Variants in ADAM12 observed in about 807,000 individuals in gnomAD.
ADAM12 encodes the protein disintegrin and metalloproteinase domain-containing protein 12.
A neutral mutation model predicts 106.4 loss-of-function variants in ADAM12; 70 were observed. The ratio of observed to expected loss-of-function variants is 0.66; its 90% CI spans 0.54 to 0.80. The LOEUF (loss-of-function observed/expected upper bound fraction) is 0.80. Among genes scored for constraint, ADAM12 ranks in the 30% least tolerant of loss-of-function variants. The pLI is 0.00. For synonymous variants in ADAM12, 420 were observed against 433.5 expected (o/e 0.97, Z 0.39); for missense variants, 1,010 against 1,171.9 (o/e 0.86, Z 2.02).
chr10:126,354,611 A>G (rs1281833803), intron 1 of ADAM12, among the ~76,000 whole-genome samples: 1 of 152,216 alleles, frequency 6.6e-6, no homozygotes, highest in East Asian at 1.9e-4. Context: ...TTTCATCATT[A>G]GCTTTTTTTA....
intron 3 of ADAM12, among the ~76,000 whole-genome samples, chr10:126,248,389 C>G (rs929788214): frequency 3.3e-5 from 5 of 152,162 alleles, no homozygotes; most frequent in Non-Finnish European, 5.9e-5. Flanking sequence ...GCTTCTGACT[C>G]TCAACCAGGA....
chr10:126,234,406 A>C (rs1447083626), intron 3 of ADAM12, among the ~76,000 whole-genome samples: 1 of 152,240 alleles, frequency 6.6e-6, no homozygotes, highest in Non-Finnish European at 1.5e-5. Context: ...AGCCAGTTAG[A>C]TTCCTGTTGC....
intron 3 of ADAM12, among the ~76,000 whole-genome samples, chr10:126,238,080 T>A (rs1958453707): frequency 6.6e-6 from 1 of 152,244 alleles, no homozygotes; most frequent in Non-Finnish European, 1.5e-5. Flanking sequence ...TAAAAAAAGA[T>A]CATTAAAATG....
intron 3 of ADAM12, among the ~76,000 whole-genome samples, chr10:126,186,119 G>A (rs1015329127): frequency 6.6e-6 from 1 of 152,242 alleles, no homozygotes; most frequent in African/African-American, 2.4e-5. Context: ...CCGTTAGCAG[G>A]AGCCGGTGGG....
chr10:126,124,404 A>G (rs1194854805), intron 5 of ADAM12, among the ~76,000 whole-genome samples: 3 of 152,070 alleles, frequency 2.0e-5, no homozygotes, highest in African/African-American at 7.2e-5. Context: ...ACAGGGCTTC[A>G]GTAATTTCCA....
At position 126,016,060 on chromosome 10, in the gene ADAM12, ACT is replaced by A. The variant is rs1953655899; in HGVS notation, c.*1217_*1218del. The A allele has an allele frequency of 6.6e-6, 1 of 152,168 alleles. No homozygotes were observed. The highest frequency in any genetic ancestry group is 2.4e-5 in the African/African-American group (1 of 41,506). 9.4% of individuals were successfully genotyped at this position (152,168 alleles called of 1,614,324 possible). A position where few individuals can be genotyped will look rare whatever the true frequency, so the allele number is the denominator to read the frequency against. On this transcript the variant is annotated 3_prime_UTR_variant, in exon 23 of 23. Transcript: ENST00000448723. The stretch of plus-strand genomic sequence containing the variant: ...GCAAGTGTTTAAGAAATAGGTTCAG[ACT>A]CTGTTAAAAGCATCTTTTAAAGATT...
At chr10:126,159,314 A>C (rs1234071552) in intron 3 of ADAM12, among the ~76,000 whole-genome samples, 2 of 82,760 alleles carry the variant, frequency 2.4e-5, no homozygotes, top group Admixed American at 1.5e-4. Context: ...CATCAAAAAA[A>C]AAAAAAAAAA....
intron 2 of ADAM12, among the ~76,000 whole-genome samples, chr10:126,315,387 G>A (rs1430990198): frequency 2.0e-5 from 3 of 152,092 alleles, no homozygotes; most frequent in African/African-American, 4.8e-5. Flanking sequence ...GAACGTCTCC[G>A]TGTTCCTGTC....
intron 11 of ADAM12, among the ~76,000 whole-genome samples, chr10:126,072,912 A>G (rs1203092506): frequency 6.6e-6 from 1 of 152,170 alleles, no homozygotes; most frequent in Admixed American, 6.5e-5. Flanking sequence ...GCAAGCTGCT[A>G]CGCTCCCCTG....
At chr10:126,035,322 A>C (rs956312873) in intron 21 of ADAM12, among the ~76,000 whole-genome samples, 2 of 152,188 alleles carry the variant, frequency 1.3e-5, no homozygotes, top group African/African-American at 4.8e-5. Context: ...TTACCTCTCT[A>C]GAACTTTCTA....
At chr10:126,151,263 G>C (rs898467402) in intron 4 of ADAM12, among the ~76,000 whole-genome samples, 1 of 152,132 alleles carries the variant, frequency 6.6e-6, no homozygotes, top group Non-Finnish European at 1.5e-5. Context: ...TGCTATGTGA[G>C]GCTCTATGGG....
chr10:126,264,105 C>A (rs1286595122), intron 3 of ADAM12, among the ~76,000 whole-genome samples: 1 of 152,074 alleles, frequency 6.6e-6, no homozygotes, highest in Admixed American at 6.5e-5. Context: ...ATGTACAATA[C>A]CATCAAAACT....
At chr10:126,188,200 C>CA (rs1017954566) in intron 3 of ADAM12, among the ~76,000 whole-genome samples, 4 of 152,252 alleles carry the variant, frequency 2.6e-5, no homozygotes, top group African/African-American at 9.6e-5. Context: ...CTCATAAGGG[C>CA]AAAAATATGT....
Position 126,261,000 on chromosome 10 carries a change from A to C in ADAM12, c.260+17915T>G, listed in dbSNP as rs564937578. 3.3e-5 allele frequency among the ~76,000 whole-genome samples: 5 copies of C among 152,356 alleles called. No individual in the cohort carries two copies. In the South Asian group the frequency reaches 1.0e-3, roughly 32 times the overall value. Reference sequence around the variant, plus strand: ...TAATGCAGCAATAAAAATGATACAAATTTAAAAATATACAGGATAACAACT... The same window carrying C: ...TAATGCAGCAATAAAAATGATACAACTTTAAAAATATACAGGATAACAACT... On this transcript the variant is annotated intron_variant, in intron 3 of 22. Transcript: ENST00000448723.
chr10:126,021,207 A>G (rs1175474322), intron 21 of ADAM12, among the ~76,000 whole-genome samples: 3 of 152,098 alleles, frequency 2.0e-5, no homozygotes, highest in Non-Finnish European at 4.4e-5. Context: ...GTCTGTTGGA[A>G]ATGGTGCTAG....
rs1179450212 is a variant in ADAM12, at chr10:126,210,759, CAG to C, written c.261-55456_261-55455del. On this transcript the variant is annotated intron_variant, in intron 3 of 22. Transcript: ENST00000448723. ...CACTGGAGGAGACAGAGCAGGAGAG[CAG>C]AGGGCTGGGTTGACCCAGAAGTGGG... is the stretch of plus-strand genomic sequence containing the variant. Among the ~76,000 whole-genome samples the C allele has an allele frequency of 4.6e-5, 7 of 152,208 alleles. No homozygotes were observed. The East Asian group carries it at 1.4e-3, about 30-fold the overall frequency.
chr10:126,351,396 G>C (rs759791172), intron 1 of ADAM12, among the ~76,000 whole-genome samples: 1 of 152,184 alleles, frequency 6.6e-6, no homozygotes, highest in African/African-American at 2.4e-5. Context: ...CTGCATGCTT[G>C]CACTACAATG....
At chr10:126,168,578 C>T (rs1235825887) in intron 3 of ADAM12, among the ~76,000 whole-genome samples, 1 of 152,158 alleles carries the variant, frequency 6.6e-6, no homozygotes. Context: ...TCCCAGCCAC[C>T]ATTTCCCCTC....
intron 3 of ADAM12, among the ~76,000 whole-genome samples, chr10:126,180,530 G>A (rs560572328): frequency 6.6e-6 from 1 of 152,206 alleles, no homozygotes; most frequent in East Asian, 1.9e-4. Flanking sequence ...ACTGTAAAAG[G>A]TAAGCTTGAT....
Sources: allele counts gnomAD v4.1 joint callset (sites outside exome capture counted in the v4.1 genomes callset), GRCh38; gene constraint gnomAD v4.1.1; transcripts MANE v1.5; gene names NCBI Gene and HGNC (gene_info 2026-07-23, HGNC 2026-07-21).